Variants in VWA5B2 observed in about 807,000 individuals in gnomAD.
The protein encoded by VWA5B2 is von Willebrand factor A domain containing 5B2.
In VWA5B2, 93 loss-of-function variants were observed where a neutral mutation model predicts 118.5. The ratio of observed to expected loss-of-function variants is 0.79; its 90% CI spans 0.66 to 0.93. The LOEUF (loss-of-function observed/expected upper bound fraction) is 0.93. Among genes scored for constraint, VWA5B2 ranks in the 40% least tolerant of loss-of-function variants. The probability of loss-of-function intolerance (pLI) is 0.00; values close to 1 mark genes in which losing one functional copy is unlikely to be tolerated. For missense variants in VWA5B2, 1,546 were observed against 1,672.8 expected (o/e 0.92, Z 1.32); for synonymous variants, 708 against 716.3 (o/e 0.99, Z 0.19).
In VWA5B2 at chr3:184,239,529, G is replaced by C. The variant is rs1417301728; in HGVS notation, c.2338G>C (p.Asp780His). ...GAAACCCTCTTTGGGTGCAATACTAGATGGCCCAAGTCCTGAGCCAGGCCA... is the reference window on the plus strand; with the variant it reads ...GAAACCCTCTTTGGGTGCAATACTACATGGCCCAAGTCCTGAGCCAGGCCA... ...PRKPSLGAIL[D>H]GPSPEPGQQL... Residue 780 changes from aspartate (D) to histidine (H), a missense_variant, in exon 15 of 20, where the codon GAT (aspartate) becomes CAT (histidine). By Grantham distance (81) the Asp-to-His change is moderately conservative. This residue lies in a region of VWA5B2 where 763 missense variants were observed against 766.6 expected (regional missense o/e 1.00). Transcript: ENST00000691901. This position sits in a 1 kb window ranked among gnomAD's most constrained non-coding sequence, Gnocchi z 5.1. 1 of 1,546,774 alleles carries C rather than the reference G, an allele frequency of 6.5e-7. No homozygotes were observed. Among genetic ancestry groups the C allele is most frequent in the Non-Finnish European group, 8.7e-7 (1 of 1,143,966 alleles).
Position 184,233,619 on chromosome 3 carries a change from C to T in VWA5B2, c.574C>T (p.Leu192=). ...FGVGSLQEEG[L]AWEELAAPRD... ...GGTGGGCAGCCTTCAGGAGGAAGGG[C>T]TGGCCTGGGAGGAGCTGGCTGCCCC... Residue 192 remains leucine, a synonymous_variant, in exon 5 of 20, where the codon CTG becomes TTG. Coordinates refer to ENST00000691901, the MANE Select transcript of VWA5B2 (RefSeq NM_001390846.1). This position sits in a 1 kb window ranked among gnomAD's most constrained non-coding sequence, Gnocchi z 5.2. 1 of 1,551,214 alleles carries T rather than the reference C, an allele frequency of 6.4e-7. No homozygotes were observed. The highest frequency in any genetic ancestry group is 8.7e-7 in the Non-Finnish European group (1 of 1,146,906).
Position 184,242,120 on chromosome 3 carries a change from G to C in VWA5B2, c.*82G>C. Reference sequence around the variant, plus strand: ...GCCCAGGGCTGGCCTCTTGGTGCTGGGAAAGTGTAGGCTGGTGCCAGCCTG... The same window carrying C: ...GCCCAGGGCTGGCCTCTTGGTGCTGCGAAAGTGTAGGCTGGTGCCAGCCTG... On this transcript the variant is annotated 3_prime_UTR_variant, in exon 20 of 20. Coordinates refer to ENST00000691901, the MANE Select transcript of VWA5B2 (RefSeq NM_001390846.1). 6.7e-7 allele frequency: 1 copy of C among 1,483,616 alleles called. No homozygotes were observed. The highest frequency in any genetic ancestry group is 9.0e-7 in the Non-Finnish European group (1 of 1,106,052). 91.9% of individuals were successfully genotyped at this position (1,483,616 alleles called of 1,614,324 possible). A position where few individuals can be genotyped will look rare whatever the true frequency, so the allele number is the denominator to read the frequency against.
At chr3:184,234,230 G>GGCT in intron 5 of VWA5B2, 36 bp from the exon 6 acceptor site, 1 of 1,547,914 alleles carries the variant, frequency 6.5e-7, no homozygotes, top group Non-Finnish European at 8.7e-7. Flanking sequence ...AAGGTGTTAT[G>GGCT]GCTACATCTC....
chr3:184,237,317 C>T lies in VWA5B2; in HGVS notation c.1625C>T (p.Thr542Ile), dbSNP rs1418372677. The T allele has an allele frequency of 2.6e-6, 4 of 1,551,456 alleles. No homozygotes were observed. The highest frequency in any genetic ancestry group is 2.4e-5 in the South Asian group (2 of 84,058). Residue 542 changes from threonine (T) to isoleucine (I), a missense_variant, in exon 12 of 20, where the codon ACC (threonine) becomes ATC (isoleucine). By Grantham distance (89) the Thr-to-Ile change is moderately conservative. This residue lies in a region of VWA5B2 where 775 missense variants were observed against 882.3 expected (regional missense o/e 0.88). Coordinates refer to ENST00000691901, the MANE Select transcript of VWA5B2 (RefSeq NM_001390846.1). The surrounding 1 kb of genome is among the most constrained non-coding windows in gnomAD (Gnocchi z 5.6). ...FVPDTVEALL[T>I]PREIPALYPG... ...CCCGACACTGTGGAGGCACTGCTGA[C>T]CCCCCGGGAGATCCCAGCACTCTAC...
Position 184,240,787 on chromosome 3 carries a change from A to T in VWA5B2, c.2741-4A>T. ...GCTCCACAGACTGCTCCTTGGTTCCACAGGCCATGCCCGGAGGTGCTGGCT... is the reference window on the plus strand; with the variant it reads ...GCTCCACAGACTGCTCCTTGGTTCCTCAGGCCATGCCCGGAGGTGCTGGCT... On this transcript the variant is annotated splice_region_variant and splice_polypyrimidine_tract_variant and intron_variant, in intron 16 of 19. Transcript: ENST00000691901. 1 of 1,550,408 alleles carries T rather than the reference A, an allele frequency of 6.4e-7. No individual in the cohort carries two copies. The highest frequency in any genetic ancestry group is 1.2e-5 in the South Asian group (1 of 84,016).
chr3:184,230,500 C>T lies in VWA5B2; in HGVS notation c.-29C>T, dbSNP rs951272158. The T allele has an allele frequency of 7.0e-6, 10 of 1,429,934 alleles. No individual in the cohort carries two copies. Among genetic ancestry groups the T allele is most frequent in the South Asian group, 1.4e-5 (1 of 70,132 alleles). 88.6% of individuals were successfully genotyped at this position (1,429,934 alleles called of 1,614,324 possible). A position where few individuals can be genotyped will look rare whatever the true frequency, so the allele number is the denominator to read the frequency against. On this transcript the variant is annotated 5_prime_UTR_variant, in exon 2 of 20. Coordinates refer to ENST00000691901, the MANE Select transcript of VWA5B2 (RefSeq NM_001390846.1). ...CACCCTGCGCCCAGCTTCCCCGGCC[C>T]GTTCCCGCAGGGCCGGCCTCCCGGC...
Position 184,241,882 on chromosome 3 carries a change from G to A in VWA5B2, c.3573G>A (p.Ala1191=), listed in dbSNP as rs1434488740. The A allele has an allele frequency of 6.5e-7, 1 of 1,546,980 alleles. No individual in the cohort carries two copies. Among genetic ancestry groups the A allele is most frequent in the Non-Finnish European group, 8.7e-7 (1 of 1,146,722 alleles). ...CCTTCGACGAGTGGGAACTGACAGC[G>A]GCCAAGGCTGATTGCTGGCTGCGGG... The part of the protein sequence containing the change: ...AAAFDEWELT[A]AKADCWLRAQ... Residue 1191 remains alanine (A), a synonymous_variant, in exon 20 of 20, where the codon GCG becomes GCA. Coordinates refer to ENST00000691901, the MANE Select transcript of VWA5B2 (RefSeq NM_001390846.1). The surrounding 1 kb of genome is among the most constrained non-coding windows in gnomAD (Gnocchi z 5.1).
At chr3:184,232,849 G>T (rs1717535289) in intron 3 of VWA5B2, 2 of 366,534 alleles carry the variant, frequency 5.5e-6, no homozygotes, top group South Asian at 8.6e-5. Context: ...GGGTTGAATG[G>T]AAAGAGGCAG....
rs776004660 is a variant in VWA5B2 at position 184,236,645 on chromosome 3, T to C, written c.1429T>C (p.Ser477Pro). Residue 477 changes from serine (S) to proline (P), a missense_variant, in exon 11 of 20, where the codon TCC becomes CCC. This residue lies in a region of VWA5B2 where 775 missense variants were observed against 882.3 expected (regional missense o/e 0.88). Transcript: ENST00000691901. ...RWHRGTARCF[S>P]FGLGPTCHQL... Reference sequence around the variant, plus strand: ...CTTCCTTTCCTTCATCAGATGCTTCTCCTTTGGGCTGGGGCCCACCTGCCA... The same window carrying C: ...CTTCCTTTCCTTCATCAGATGCTTCCCCTTTGGGCTGGGGCCCACCTGCCA... 2.7e-5 allele frequency: 42 copies of C among 1,550,896 alleles called. No homozygotes were observed. The highest frequency in any genetic ancestry group is 3.3e-5 in the Non-Finnish European group (38 of 1,146,490).
Position 184,236,205 on chromosome 3 carries a change from G to A in VWA5B2, c.1155G>A (p.Leu385=), listed in dbSNP as rs1291654938. 1 of 1,551,772 alleles carries A rather than the reference G, an allele frequency of 6.4e-7. No individual in the cohort carries two copies. The highest frequency in any genetic ancestry group is 1.2e-5 in the South Asian group (1 of 84,068). The change falls in exon 9 of 20, where the codon CTG becomes CTA. Residue 385 remains leucine (L), a synonymous_variant. Transcript: ENST00000691901. ...KSLPPQTLIN[L]AVFGTLVQPL... ...TCCCGCCCCAGACGCTTATCAACCT[G>A]GCCGTGTTTGGGACGTTGGTGCAGC...
chr3:184,241,127 A>G lies in VWA5B2; in HGVS notation c.2962+20A>G, dbSNP rs541848984. On this transcript the variant is annotated intron_variant, in intron 18 of 19. Transcript: ENST00000691901. The surrounding 1 kb of genome is among the most constrained non-coding windows in gnomAD (Gnocchi z 5.1). Reference sequence around the variant, plus strand: ...CTAAAGGTAACACCCAAAGGTAGGGAAAGGGTAGGGGCACTTGGGCTTAGA... The same window carrying G: ...CTAAAGGTAACACCCAAAGGTAGGGGAAGGGTAGGGGCACTTGGGCTTAGA... The G allele has an allele frequency of 6.4e-7, 1 of 1,551,680 alleles. No individual in the cohort carries two copies. Among genetic ancestry groups the G allele is most frequent in the Admixed American group, 2.0e-5 (1 of 50,988 alleles).
intron 16 of VWA5B2, chr3:184,240,482 A>G (rs1718465700): frequency 2.2e-6 from 1 of 449,560 alleles, no homozygotes; most frequent in African/African-American, 1.9e-5. Flanking sequence ...GAGAGAGAAC[A>G]TTTCCAAGTT....
chr3:184,241,435 G>A lies in VWA5B2; in HGVS notation c.3180+31G>A, dbSNP rs745380904. ...GACTCGGGAGGTGGAGGGTGGTGCC[G>A]CCGGGGCCGGGCGCTGTTTCAGCTC... On this transcript the variant is annotated intron_variant, in intron 19 of 19. Transcript: ENST00000691901. The surrounding 1 kb of genome is among the most constrained non-coding windows in gnomAD (Gnocchi z 5.1). 5 of 1,568,722 alleles carry A rather than the reference G, an allele frequency of 3.2e-6. No individual in the cohort carries two copies. The East Asian group carries it at 1.2e-4, about 37-fold the overall frequency.
chr3:184,242,069 C>T lies in VWA5B2; in HGVS notation c.*31C>T, dbSNP rs1224323606. 20 of 1,543,418 alleles carry T rather than the reference C, an allele frequency of 1.3e-5. 1 individual carries two copies. Among genetic ancestry groups the T allele is most frequent in the Middle Eastern group, 3.3e-4 (2 of 5,984 alleles). On this transcript the variant is annotated 3_prime_UTR_variant, in exon 20 of 20. Transcript: ENST00000691901. ...GCCCCCTGCTGCTTGGGCTGGCGCCCCACCCAACACACTCAAGTCACTGCC... is the reference window on the plus strand; with the variant it reads ...GCCCCCTGCTGCTTGGGCTGGCGCCTCACCCAACACACTCAAGTCACTGCC...
chr3:184,231,012 C>T, intron 3 of VWA5B2, 95 bp downstream of exon 3: 1 of 1,191,078 alleles, frequency 8.4e-7, no homozygotes, highest in Non-Finnish European at 1.0e-6. Context: ...CGCCTTCCTC[C>T]GGGCACTGCC....
chr3:184,239,270 C>T lies in VWA5B2; in HGVS notation c.2203-124C>T. On this transcript the variant is annotated intron_variant, in intron 14 of 19. Transcript: ENST00000691901. This position sits in a 1 kb window ranked among gnomAD's most constrained non-coding sequence, Gnocchi z 5.1. The stretch of plus-strand genomic sequence containing the variant: ...GTAGGCCATAAGGAACTTGGCCTTC[C>T]TCCTCAAGCTGGTGAGCGGCCACCC... 8.8e-7 allele frequency: 1 copy of T among 1,135,232 alleles called. No individual in the cohort carries two copies. Among genetic ancestry groups the T allele is most frequent in the Non-Finnish European group, 1.2e-6 (1 of 843,188 alleles). 70.3% of individuals were successfully genotyped at this position (1,135,232 alleles called of 1,614,324 possible).
Position 184,240,941 on chromosome 3 carries a change from T to G in VWA5B2, c.2878+13T>G, listed in dbSNP as rs1215029127. 6.4e-7 allele frequency: 1 copy of G among 1,551,482 alleles called. No homozygotes were observed. Among genetic ancestry groups the G allele is most frequent in the Non-Finnish European group, 8.7e-7 (1 of 1,146,920 alleles). On this transcript the variant is annotated intron_variant, in intron 17 of 19. Coordinates refer to ENST00000691901, the MANE Select transcript of VWA5B2 (RefSeq NM_001390846.1). The stretch of plus-strand genomic sequence containing the variant: ...GTGTGCAGCTCAGGTAGGGGCCTCT[T>G]CTGGTGACCTCTCAGGTGCAGCTCT...
chr3:184,230,827 C>A lies in VWA5B2; in HGVS notation c.220C>A (p.Gln74Lys). The change falls in exon 3 of 20, where the codon CAG becomes AAG. Residue 74 changes from glutamine to lysine, a missense_variant. Around this residue, in one of 3 missense-constraint regions of VWA5B2, gnomAD observed 775 missense variants for 882.3 expected, o/e 0.88. Transcript: ENST00000691901. ...AEAAGRRVSF[Q>K]LQSRRRSQAA... ...GGCCGCCGGACGGCGCGTCTCCTTCCAGCTGCAGAGCCGGCGCCGCTCGCA... is the reference window on the plus strand; with the variant it reads ...GGCCGCCGGACGGCGCGTCTCCTTCAAGCTGCAGAGCCGGCGCCGCTCGCA... The A allele has an allele frequency of 8.0e-7, 1 of 1,256,586 alleles. No homozygotes were observed. The allele number at this position is 1,256,586 out of a possible 1,614,324, so 77.8% of individuals were successfully genotyped here. A position where few individuals can be genotyped will look rare whatever the true frequency, so the allele number is the denominator to read the frequency against.
intron 16 of VWA5B2, 144 bp from the exon 17 acceptor site, chr3:184,240,647 G>A: frequency 8.6e-7 from 1 of 1,164,044 alleles, no homozygotes; most frequent in South Asian, 1.6e-5. Flanking sequence ...TGGGGAGTCT[G>A]AGCTGGTTCT....
Sources: gnomAD v4.1 joint callset for allele counts on GRCh38, gnomAD v4.1.1 for gene constraint, gnomAD v4.1.1 regional missense constraint, Gnocchi (gnomAD v3.1) non-coding constraint, MANE v1.5 for transcripts, NCBI Gene and HGNC (gene_info 2026-07-23, HGNC 2026-07-21) for gene names.